Variants in TEX261 observed in about 807,000 individuals in gnomAD.
TEX261 encodes protein TEX261.
A neutral mutation model predicts 25.1 loss-of-function variants in TEX261; 13 were observed. The observed-to-expected ratio is 0.52, with a 90% CI of 0.34 to 0.82. The LOEUF is 0.82. TEX261 is among the 40% of genes least tolerant of loss of function. The pLI is 0.02. For missense variants in TEX261, 206 were observed against 243.2 expected, an observed-to-expected ratio of 0.85 and a Z score of 1.02; for synonymous variants, 92 against 97.8, an observed-to-expected ratio of 0.94 and a Z score of 0.35.
chr2:70,990,191 C>G (rs1670276992), intron 3 of TEX261, among the ~76,000 whole-genome samples: 1 of 152,134 alleles, frequency 6.6e-6, no homozygotes, highest in Non-Finnish European at 1.5e-5. Flanking sequence ...AGACCAGACG[C>G]CCCTAAGAGG....
At chr2:70,990,897 C>T (rs901516381) in intron 3 of TEX261, among the ~76,000 whole-genome samples, 1 of 152,202 alleles carries the variant, frequency 6.6e-6, no homozygotes, top group Non-Finnish European at 1.5e-5. Flanking sequence ...CAAACCTCTG[C>T]TGAACAAATT....
intron 1 of TEX261, 113 bp from the exon 2 acceptor site, chr2:70,993,888 G>A: frequency 1.2e-6 from 1 of 814,488 alleles, no homozygotes; most frequent in Non-Finnish European, 2.1e-6. Flanking sequence ...AGAAGGTCAA[G>A]AACAAACCAA....
rs929251699 is a variant in TEX261 at position 70,987,477 on chromosome 2, T to C, written c.*1123A>G. The C allele has an allele frequency of 6.6e-6, 1 of 152,646 alleles. No individual in the cohort carries two copies. Among genetic ancestry groups the C allele is most frequent in the Non-Finnish European group, 1.5e-5 (1 of 68,050 alleles). The allele number at this position is 152,646 out of a possible 1,614,324, so 9.5% of individuals were successfully genotyped here. ...AGAACATGGCCAGAAATGGCTCTCA[T>C]AGGGACTTCATTCCAATATGTACTG... On this transcript the variant is annotated 3_prime_UTR_variant, in exon 6 of 6. Coordinates refer to ENST00000272438, the MANE Select transcript of TEX261 (RefSeq NM_144582.3).
chr2:70,989,727 G>C (rs370892197), intron 4 of TEX261, 22 bp downstream of exon 4: 1 of 1,566,120 alleles, frequency 6.4e-7, no homozygotes, highest in Non-Finnish European at 8.8e-7. Context: ...GTTAACAGCT[G>C]AATGTGCTGG....
intron 4 of TEX261, chr2:70,989,528 T>C (rs1670261131): frequency 3.7e-6 from 2 of 539,358 alleles, no homozygotes; most frequent in Non-Finnish European, 6.7e-6. Flanking sequence ...CCCAAAGGAC[T>C]CACTGAGGAA....
At position 70,989,725 on chromosome 2, in the gene TEX261, C is replaced by G. The variant is rs759910750; in HGVS notation, c.372+24G>C. ...TTTACTACCCTGTCCCTGTTAACAG[C>G]TGAATGTGCTGGACACTTCTTACCT... On this transcript the variant is annotated intron_variant, in intron 4 of 5. Transcript: ENST00000272438. 183 of 1,557,102 alleles carry G rather than the reference C, an allele frequency of 1.2e-4. 4 individuals are homozygous for G. The highest frequency in any genetic ancestry group is 1.2e-3 in the Middle Eastern group (7 of 5,972).
At chr2:70,993,628 T>A (rs1047940963) in intron 2 of TEX261, 68 bp downstream of exon 2, 3 of 1,298,064 alleles carry the variant, frequency 2.3e-6, no homozygotes, top group Admixed American at 1.7e-5. Flanking sequence ...TGCCAAACTC[T>A]CCCCACTTCC....
chr2:70,991,712 T>G (rs1169532246), intron 3 of TEX261, 118 bp downstream of exon 3: 6 of 1,266,258 alleles, frequency 4.7e-6, no homozygotes, highest in Non-Finnish European at 6.6e-6. Context: ...CCAACTAGCC[T>G]GGCTTCCTGG....
intron 4 of TEX261, 46 bp downstream of exon 4, chr2:70,989,703 A>T: frequency 1.5e-6 from 2 of 1,300,612 alleles, no homozygotes; most frequent in Non-Finnish European, 2.2e-6. Context: ...GTTCCCTTTT[A>T]CTACCCTGTC....
intron 3 of TEX261, among the ~76,000 whole-genome samples, 167 bp from the exon 4 acceptor site, chr2:70,989,983 T>C (rs1670271321): frequency 1.3e-5 from 2 of 152,186 alleles, no homozygotes; most frequent in South Asian, 4.1e-4. Context: ...TCTGCTAAAA[T>C]GGGAGAATGA....
chr2:70,991,662 G>C lies in TEX261; in HGVS notation c.304+168C>G. The stretch of plus-strand genomic sequence containing the variant: ...AACAAATTCTATTCACTAGAGCCAA[G>C]GTGGGCTCTAGAGTCCTCAGCAGTA... On this transcript the variant is annotated intron_variant, in intron 3 of 5. Coordinates refer to ENST00000272438, the MANE Select transcript of TEX261 (RefSeq NM_144582.3). 8.5e-6 allele frequency: 6 copies of C among 706,370 alleles called. No homozygotes were observed. The South Asian group carries it at 1.2e-4, about 14-fold the overall frequency. 43.8% of individuals were successfully genotyped at this position (706,370 alleles called of 1,614,324 possible).
At chr2:70,988,811 G>A (rs72832796) in intron 5 of TEX261, 96 bp from the exon 6 acceptor site, 101,461 of 1,515,634 alleles carry the variant, frequency 0.067, 5,459 homozygotes, top group Admixed American at 0.25. Context: ...CCGAGTCCAG[G>A]TGTCTCCAAC....
chr2:70,993,832 A>C, intron 1 of TEX261, 57 bp from the exon 2 acceptor site: 1 of 1,402,528 alleles, frequency 7.1e-7, no homozygotes, highest in Non-Finnish European at 1.0e-6. Flanking sequence ...CATCCTGGTC[A>C]CCCCTCTCTC....
At position 70,990,124 on chromosome 2, in the gene TEX261, G is replaced by A. The variant is rs568929958; in HGVS notation, c.305-308C>T. ...ACGATGAACCTCGTTTTTCGTGGAT[G>A]TGAGGGCTAAAGAAAGCTCTCCCAC... On this transcript the variant is annotated intron_variant, in intron 3 of 5. Transcript: ENST00000272438. 5.3e-5 allele frequency among the ~76,000 whole-genome samples: 8 copies of A among 152,342 alleles called. No homozygotes were observed. The South Asian group carries it at 1.5e-3, about 28-fold the overall frequency.
At chr2:70,990,667 G>A (rs1670284832) in intron 3 of TEX261, among the ~76,000 whole-genome samples, 1 of 152,114 alleles carries the variant, frequency 6.6e-6, no homozygotes, top group South Asian at 2.1e-4. Flanking sequence ...CCATTCTAAG[G>A]CAAAGACTAC....
At position 70,986,561 on chromosome 2, in the gene TEX261, T is replaced by C. The variant is rs1483046667; in HGVS notation, c.*2039A>G. On this transcript the variant is annotated 3_prime_UTR_variant, in exon 6 of 6. Transcript: ENST00000272438. The stretch of plus-strand genomic sequence containing the variant: ...AGATGTTAAGGTAGACCTGACCGTT[T>C]TGAGAGATTGGATGTGGTGGGCAGA... 1.3e-5 allele frequency: 2 copies of C among 152,520 alleles called. No homozygotes were observed. The highest frequency in any genetic ancestry group is 2.9e-5 in the Non-Finnish European group (2 of 68,022). 9.4% of individuals were successfully genotyped at this position (152,520 alleles called of 1,614,324 possible). A position where few individuals can be genotyped will look rare whatever the true frequency, so the allele number is the denominator to read the frequency against.
At chr2:70,992,729 CAAAAA>C (rs556141517) in intron 2 of TEX261, among the ~76,000 whole-genome samples, 1 of 119,828 alleles carries the variant, frequency 8.3e-6, no homozygotes, top group South Asian at 2.7e-4. Flanking sequence ...AACTCCATCT[CAAAAA>C]AAAAAAAAGA....
At chr2:70,994,435 G>T (rs534434608) in intron 1 of TEX261, 92 of 552,790 alleles carry the variant, frequency 1.7e-4, no homozygotes, top group Non-Finnish European at 2.4e-4. Context: ...GCAGACGCGG[G>T]GGCGGCACTC....
chr2:70,994,555 G>GGCA (rs1553426004), intron 1 of TEX261, 133 bp downstream of exon 1: 2 of 1,309,252 alleles, frequency 1.5e-6, no homozygotes, highest in East Asian at 2.8e-5. Context: ...AGGCGGGAAG[G>GGCA]GGTTGGGGCG....
Sources: gnomAD v4.1 joint callset for allele counts (sites outside exome capture counted in the v4.1 genomes callset) on GRCh38, gnomAD v4.1.1 for gene constraint, MANE v1.5 for transcripts, NCBI Gene and HGNC (gene_info 2026-07-23, HGNC 2026-07-21) for gene names.